Variants in ADAM12 observed in about 807,000 individuals in gnomAD.
ADAM12 encodes the protein ADAM metallopeptidase domain 12.
In ADAM12, 70 loss-of-function variants were observed where a neutral mutation model predicts 106.4. That is an observed-to-expected ratio of 0.66 (90% CI 0.54 to 0.80). The LOEUF (loss-of-function observed/expected upper bound fraction) is 0.80, where lower values mean the gene tolerates loss of function less well. ADAM12 is among the 30% of genes least tolerant of loss of function. ADAM12 has a pLI of 0.00. For synonymous variants in ADAM12, 420 were observed against 433.5 expected, an observed-to-expected ratio of 0.97 and a Z score of 0.39; for missense variants, 1,010 against 1,171.9, an observed-to-expected ratio of 0.86 and a Z score of 2.02.
chr10:126,065,685 A>T (rs1954852746), intron 13 of ADAM12, among the ~76,000 whole-genome samples: 1 of 152,168 alleles, frequency 6.6e-6, no homozygotes, highest in African/African-American at 2.4e-5. Flanking sequence ...ATACTCCTCA[A>T]ACGCAAAGAG....
chr10:126,139,379 T>C (rs1185803978), intron 4 of ADAM12, among the ~76,000 whole-genome samples: 2 of 152,204 alleles, frequency 1.3e-5, no homozygotes, highest in Admixed American at 1.3e-4. Context: ...CTTACATATA[T>C]TTATTTTTAA....
chr10:126,071,657 G>A lies in ADAM12; in HGVS notation c.1146-3C>T. ...TGAACACCATGGGAAATGGGTACCT[G>A]AGAAAGGAGAGCCCAGAACAGTAAG... On this transcript the variant is annotated splice_polypyrimidine_tract_variant and splice_region_variant and intron_variant, in intron 11 of 22. Transcript: ENST00000448723. The A allele has an allele frequency of 6.2e-7, 1 of 1,614,082 alleles. No individual in the cohort carries two copies. The highest frequency in any genetic ancestry group is 8.5e-7 in the Non-Finnish European group (1 of 1,179,972).
At chr10:126,171,581 T>C (rs947383283) in intron 3 of ADAM12, among the ~76,000 whole-genome samples, 1 of 152,202 alleles carries the variant, frequency 6.6e-6, no homozygotes, top group Non-Finnish European at 1.5e-5. Flanking sequence ...CCTTGTGGCT[T>C]GTTCACCGCT....
chr10:126,103,400 A>C (rs1303875232), intron 8 of ADAM12, among the ~76,000 whole-genome samples: 1 of 152,170 alleles, frequency 6.6e-6, no homozygotes, highest in Non-Finnish European at 1.5e-5. Context: ...ACCACAGCTA[A>C]TGTTTAGTGA....
intron 5 of ADAM12, among the ~76,000 whole-genome samples, chr10:126,119,867 T>C (rs1956053706): frequency 6.6e-6 from 1 of 152,194 alleles, no homozygotes; most frequent in African/African-American, 2.4e-5. Context: ...GGTTTTCATT[T>C]CTCTCTTTGC....
chr10:126,228,003 A>G (rs951621878), intron 3 of ADAM12, among the ~76,000 whole-genome samples: 3 of 152,026 alleles, frequency 2.0e-5, no homozygotes, highest in African/African-American at 7.2e-5. Context: ...ATTCCCCTGG[A>G]TCAGGGTATG....
intron 19 of ADAM12, among the ~76,000 whole-genome samples, chr10:126,038,952 C>CTTT (rs34277276): frequency 0.013 from 931 of 71,572 alleles, 40 homozygotes; most frequent in Middle Eastern, 0.042. Context: ...GACACCATTT[C>CTTT]TTTTTTTTTT....
rs568288220 is a variant in ADAM12 at position 126,131,617 on chromosome 10, G to C, written c.416+3967C>G. 4.6e-5 allele frequency among the ~76,000 whole-genome samples: 7 copies of C among 152,216 alleles called. No homozygotes were observed. In the East Asian group the frequency reaches 1.4e-3, roughly 29 times the overall value. On this transcript the variant is annotated intron_variant, in intron 5 of 22. Transcript: ENST00000448723. The stretch of plus-strand genomic sequence containing the variant: ...ACCAGAGCTTCCTCCCTCTGTACAC[G>C]CACAAAGAGAGGTCACGTGAGCACA...
intron 3 of ADAM12, among the ~76,000 whole-genome samples, chr10:126,163,182 T>C (rs956841327): frequency 2.0e-5 from 3 of 152,216 alleles, no homozygotes; most frequent in South Asian, 2.1e-4. Context: ...GAAACCTTTT[T>C]TCTTTGTAAA....
At chr10:126,331,763 T>C (rs1239698873) in intron 1 of ADAM12, among the ~76,000 whole-genome samples, 1 of 152,082 alleles carries the variant, frequency 6.6e-6, no homozygotes, top group African/African-American at 2.4e-5. Context: ...GGACGTGTGG[T>C]CTTCAGGGTG....
intron 19 of ADAM12, among the ~76,000 whole-genome samples, chr10:126,038,950 TTC>T (rs1491040660): frequency 2.9e-5 from 4 of 136,910 alleles, no homozygotes; most frequent in East Asian, 4.4e-4. Flanking sequence ...GAGACACCAT[TTC>T]TTTTTTTTTT....
rs1158871880 is a variant in ADAM12 at position 126,014,471 on chromosome 10, T to C, written c.*2808A>G. ...CAGGAGTATTGACTCTCCTACAGTT[T>C]AATTTGCTGCTTTTGTGGTTTCTGT... On this transcript the variant is annotated 3_prime_UTR_variant, in exon 23 of 23. Coordinates refer to ENST00000448723, the MANE Select transcript of ADAM12 (RefSeq NM_001288973.2). 6.7e-6 allele frequency: 1 copy of C among 149,460 alleles called. No homozygotes were observed. Among genetic ancestry groups the C allele is most frequent in the Non-Finnish European group, 1.5e-5 (1 of 67,674 alleles). 9.3% of individuals were successfully genotyped at this position (149,460 alleles called of 1,614,324 possible).
Position 126,049,238 on chromosome 10 carries a change from A to T in ADAM12, c.1917+15T>A. The T allele has an allele frequency of 6.2e-7, 1 of 1,613,602 alleles. No individual in the cohort carries two copies. Among genetic ancestry groups the T allele is most frequent in the Non-Finnish European group, 8.5e-7 (1 of 1,179,884 alleles). On this transcript the variant is annotated intron_variant, in intron 16 of 22. Coordinates refer to ENST00000448723, the MANE Select transcript of ADAM12 (RefSeq NM_001288973.2). The surrounding 1 kb of genome is among the most constrained non-coding windows in gnomAD (Gnocchi z 4.4). ...AGACTTACATTTATGATCCAAGCAA[A>T]CATTTGGGTCTTACTTTTCCATCTG...
chr10:126,375,247 T>A (rs4356138), intron 1 of ADAM12, among the ~76,000 whole-genome samples: 2 of 141,486 alleles, frequency 1.4e-5, no homozygotes, highest in African/African-American at 2.8e-5. Flanking sequence ...CAAGAAGCCA[T>A]GGTTAAAAAA....
intron 3 of ADAM12, among the ~76,000 whole-genome samples, chr10:126,206,086 T>C (rs1957789605): frequency 1.3e-5 from 2 of 152,210 alleles, no homozygotes; most frequent in Admixed American, 6.5e-5. Context: ...CAAATTATCT[T>C]GTGTATAGCA....
At chr10:126,233,294 AAG>A (rs1405482193) in intron 3 of ADAM12, among the ~76,000 whole-genome samples, 5 of 152,266 alleles carry the variant, frequency 3.3e-5, no homozygotes, top group South Asian at 2.1e-4. Flanking sequence ...AGGATGCTAG[AAG>A]AGCCTCGTCA....
At chr10:126,116,605 C>T (rs1021600449) in intron 6 of ADAM12, among the ~76,000 whole-genome samples, 7 of 151,954 alleles carry the variant, frequency 4.6e-5, no homozygotes, top group African/African-American at 1.7e-4. Context: ...GCCACAGTAC[C>T]AGATGGGAGA....
intron 3 of ADAM12, among the ~76,000 whole-genome samples, chr10:126,185,051 T>C (rs905958859): frequency 6.6e-6 from 1 of 152,210 alleles, no homozygotes. Context: ...GGTTGGAGTT[T>C]CATCTTTTCT....
chr10:126,105,774 TC>T (rs200952672), intron 8 of ADAM12, among the ~76,000 whole-genome samples: 3,594 of 152,202 alleles, frequency 0.024, 65 homozygotes, highest in Non-Finnish European at 0.038. Context: ...CCACCCTTCA[TC>T]CCCCCTGCCA....
Sources: gnomAD v4.1 joint callset for allele counts (sites outside exome capture counted in the v4.1 genomes callset) on GRCh38, gnomAD v4.1.1 for gene constraint, Gnocchi (gnomAD v3.1) non-coding constraint, MANE v1.5 for transcripts, NCBI Gene and HGNC (gene_info 2026-07-23, HGNC 2026-07-21) for gene names.